Variants in NELL1 observed in about 807,000 individuals in gnomAD.
NELL1 encodes the protein neural EGFL like 1.
A neutral mutation model predicts 107.4 loss-of-function variants in NELL1; 76 were observed. That is an observed-to-expected ratio of 0.71 (90% CI 0.59 to 0.86). The LOEUF (loss-of-function observed/expected upper bound fraction) is 0.86. NELL1 is among the 40% of genes least tolerant of loss of function. NELL1 has a pLI of 0.00. For missense variants in NELL1, 1,024 were observed against 1,005.5 expected (o/e 1.02, Z -0.25); for synonymous variants, 353 against 341.2 (o/e 1.03, Z -0.38).
intron 15 of NELL1, among the ~76,000 whole-genome samples, chr11:21,490,533 T>C (rs1854777339): frequency 6.9e-6 from 1 of 145,554 alleles, no homozygotes; most frequent in African/African-American, 2.5e-5. Flanking sequence ...AGCATCACAC[T>C]ACCTAACTTC....
intron 14 of NELL1, among the ~76,000 whole-genome samples, chr11:21,267,233 G>A (rs909560079): frequency 2.0e-5 from 3 of 151,982 alleles, no homozygotes; most frequent in African/African-American, 7.2e-5. Flanking sequence ...TTCAAATAGT[G>A]TGTGCAATAA....
intron 12 of NELL1, among the ~76,000 whole-genome samples, chr11:21,032,115 G>A (rs1032755849): frequency 8.6e-5 from 13 of 150,672 alleles, no homozygotes; most frequent in South Asian, 4.2e-4. Context: ...AAAACAATCC[G>A]TGTGGCTACC....
chr11:20,714,194 ATTTTTTT>A (rs34441596), intron 2 of NELL1, among the ~76,000 whole-genome samples: 26 of 61,774 alleles, frequency 4.2e-4, no homozygotes, highest in South Asian at 8.5e-4. Flanking sequence ...TATCTCCCCG[ATTTTTTT>A]TTTTTTTTTT....
chr11:21,140,943 T>C (rs1855852103), intron 13 of NELL1, among the ~76,000 whole-genome samples: 1 of 152,208 alleles, frequency 6.6e-6, no homozygotes, highest in Non-Finnish European at 1.5e-5. Context: ...AGAATTATCT[T>C]GGTTATTGAC....
Position 21,476,821 on chromosome 11 carries a change from T to G in NELL1, c.1646-57553T>G, listed in dbSNP as rs1348838054. On this transcript the variant is annotated intron_variant, in intron 15 of 19. Transcript: ENST00000357134. ...AGGGAGAGCACAATGATTGTGGGAC[T>G]TTGCACTAAAACACAGTGCTGCCCT... Among the ~76,000 whole-genome samples, 6 of 152,096 alleles carry G rather than the reference T, an allele frequency of 3.9e-5. No homozygotes were observed. In the East Asian group the frequency reaches 1.2e-3, roughly 29 times the overall value.
chr11:21,033,641 C>A (rs1404219755), intron 12 of NELL1, among the ~76,000 whole-genome samples: 1 of 151,932 alleles, frequency 6.6e-6, no homozygotes, highest in Non-Finnish European at 1.5e-5. Context: ...AGTCTACCAT[C>A]GATGGGCATT....
intron 13 of NELL1, among the ~76,000 whole-genome samples, chr11:21,218,516 T>C (rs1857673402): frequency 6.6e-6 from 1 of 152,150 alleles, no homozygotes; most frequent in South Asian, 2.1e-4. Flanking sequence ...TATTTTCCAG[T>C]ATTTAAAAAT....
chr11:21,497,637 G>GA (rs894489046), intron 15 of NELL1, among the ~76,000 whole-genome samples: 5 of 151,170 alleles, frequency 3.3e-5, no homozygotes, highest in Middle Eastern at 3.4e-3. Context: ...ACCCCTCAAA[G>GA]AAAAAAAATA....
intron 2 of NELL1, among the ~76,000 whole-genome samples, chr11:20,748,959 T>TCCATCC: frequency 1.3e-5 from 2 of 151,194 alleles, no homozygotes; most frequent in African/African-American, 4.9e-5. Context: ...CATCCATCCA[T>TCCATCC]ATTTTGACAT....
At chr11:21,290,107 C>G (rs532054047) in intron 14 of NELL1, among the ~76,000 whole-genome samples, 2 of 152,122 alleles carry the variant, frequency 1.3e-5, no homozygotes, top group Admixed American at 1.3e-4. Flanking sequence ...CGGTGGCTCA[C>G]GCCTGTAATC....
intron 3 of NELL1, among the ~76,000 whole-genome samples, chr11:20,795,306 T>C (rs936183361): frequency 6.6e-6 from 1 of 152,188 alleles, no homozygotes; most frequent in Non-Finnish European, 1.5e-5. Flanking sequence ...TAAAGACTAT[T>C]AAAAATGTAC....
chr11:21,327,638 G>A (rs1432849868), intron 14 of NELL1, among the ~76,000 whole-genome samples: 1 of 152,194 alleles, frequency 6.6e-6, no homozygotes, highest in Non-Finnish European at 1.5e-5. Context: ...AGTGACTTTG[G>A]AACTGGGTAA....
At chr11:21,116,804 A>G (rs904793969) in intron 13 of NELL1, among the ~76,000 whole-genome samples, 4 of 151,910 alleles carry the variant, frequency 2.6e-5, no homozygotes, top group Non-Finnish European at 5.9e-5. Flanking sequence ...CATGGCCATC[A>G]CATTGGACTT....
intron 14 of NELL1, among the ~76,000 whole-genome samples, chr11:21,288,330 G>C (rs6483755): frequency 0.76 from 116,051 of 152,146 alleles, 46,555 homozygotes; most frequent in Non-Finnish European, 0.88. Flanking sequence ...GGCTGCCTCT[G>C]TTTCCTGAGA....
At chr11:21,388,901 T>G (rs1007904957) in intron 15 of NELL1, among the ~76,000 whole-genome samples, 1 of 151,866 alleles carries the variant, frequency 6.6e-6, no homozygotes, top group Non-Finnish European at 1.5e-5. Flanking sequence ...AAAATTAGTT[T>G]CATGTATACC....
intron 3 of NELL1, among the ~76,000 whole-genome samples, chr11:20,793,368 G>A (rs573067062): frequency 6.6e-6 from 1 of 152,020 alleles, no homozygotes; most frequent in African/African-American, 2.4e-5. Flanking sequence ...TATTTCTAAT[G>A]TGTGATATGT....
intron 15 of NELL1, among the ~76,000 whole-genome samples, chr11:21,485,359 C>T (rs1225816205): frequency 6.6e-6 from 1 of 152,040 alleles, no homozygotes; most frequent in Non-Finnish European, 1.5e-5. Flanking sequence ...AATCACAGGC[C>T]CCATAGCTGT....
intron 2 of NELL1, among the ~76,000 whole-genome samples, chr11:20,751,293 A>C (rs1169242413): frequency 6.6e-6 from 1 of 152,122 alleles, no homozygotes; most frequent in African/African-American, 2.4e-5. Flanking sequence ...GATTGCATTA[A>C]ATCTATGCAT....
At chr11:20,988,225 G>A (rs1297197934) in intron 12 of NELL1, among the ~76,000 whole-genome samples, 1 of 152,026 alleles carries the variant, frequency 6.6e-6, no homozygotes, top group Non-Finnish European at 1.5e-5. Flanking sequence ...TATACTAAGA[G>A]CCCTTCTTCT....
Sources: gnomAD v4.1 joint callset for allele counts (sites outside exome capture counted in the v4.1 genomes callset) on GRCh38, gnomAD v4.1.1 for gene constraint, MANE v1.5 for transcripts, NCBI Gene and HGNC (gene_info 2026-07-23, HGNC 2026-07-21) for gene names.